MCTP1: variants seen among roughly 807,000 people sequenced by gnomAD.
The protein encoded by MCTP1 is multiple C2 and transmembrane domain-containing protein 1.
In MCTP1, 69 loss-of-function variants were observed where a neutral mutation model predicts 120.6. That is an observed-to-expected ratio of 0.57 (90% CI 0.47 to 0.70). The LOEUF is 0.70. Among genes scored for constraint, MCTP1 ranks in the 30% least tolerant of loss-of-function variants. MCTP1 has a pLI of 0.00. For missense variants in MCTP1, 1,203 were observed against 1,248.8 expected (o/e 0.96, Z 0.55); for synonymous variants, 529 against 493.1 (o/e 1.07, Z -0.96).
rs199518217 is a variant in MCTP1, at chr5:95,284,398, G to A, written c.178C>T (p.Pro60Ser). ...TADTPSPSPPPPVGTGNAPAR... is the reference protein window; with the variant it reads ...TADTPSPSPPSPVGTGNAPAR... ...GGTGCATTCCCTGTGCCCACCGGGG[G>A]TGGCGGGGAGGGCGACGGGGTGTCC... Residue 60 changes from proline (P) to serine (S), a missense_variant, in exon 1 of 23, where the codon CCC becomes TCC. Coordinates refer to ENST00000515393, the MANE Select transcript of MCTP1 (RefSeq NM_024717.7). This position sits in a 1 kb window ranked among gnomAD's most constrained non-coding sequence, Gnocchi z 5.2. 885 of 1,590,918 alleles carry A rather than the reference G, an allele frequency of 5.6e-4. No homozygotes were observed. The highest frequency in any genetic ancestry group is 7.1e-4 in the Non-Finnish European group (832 of 1,176,962).
rs552612934 is a variant in MCTP1, at chr5:94,708,518, T to A, written c.2922A>T (p.Val974=). Residue 974 remains valine (V), a synonymous_variant, in exon 22 of 23, where the codon GTA becomes GTT. Coordinates refer to ENST00000515393, the MANE Select transcript of MCTP1 (RefSeq NM_024717.7). ...AATAACGAAACCTACATACCACTTG[T>A]ACATCTGAAGGGACTCTGGAAAGGA... ...LDFLSRVPSD[V]QVVQYQELKP... 1 of 1,586,774 alleles carries A rather than the reference T, an allele frequency of 6.3e-7. No homozygotes were observed. Among genetic ancestry groups the A allele is most frequent in the African/African-American group, 1.3e-5 (1 of 74,366 alleles).
intron 1 of MCTP1, among the ~76,000 whole-genome samples, chr5:95,122,091 A>C (rs902773878): frequency 2.6e-5 from 4 of 152,158 alleles, no homozygotes; most frequent in African/African-American, 4.8e-5. Flanking sequence ...GATTGAGCAA[A>C]GATCGTTTGA....
intron 1 of MCTP1, among the ~76,000 whole-genome samples, chr5:95,143,497 G>A (rs925421554): frequency 1.3e-5 from 2 of 151,900 alleles, no homozygotes; most frequent in African/African-American, 4.8e-5. Context: ...CATGGTTTGG[G>A]GTACAGATGG....
intron 1 of MCTP1, among the ~76,000 whole-genome samples, chr5:95,199,776 A>G (rs1172145291): frequency 2.0e-5 from 3 of 151,748 alleles, no homozygotes; most frequent in African/African-American, 4.8e-5. Context: ...AGAGAATTGC[A>G]TGAACTCAGG....
chr5:95,169,637 G>C (rs997942897), intron 1 of MCTP1, among the ~76,000 whole-genome samples: 31 of 152,272 alleles, frequency 2.0e-4, no homozygotes, highest in African/African-American at 7.2e-4. Context: ...GGGTGTATGT[G>C]TCCGGAATTT....
chr5:94,783,732 G>C (rs1777054442), intron 18 of MCTP1, among the ~76,000 whole-genome samples: 1 of 151,962 alleles, frequency 6.6e-6, no homozygotes, highest in Non-Finnish European at 1.5e-5. Flanking sequence ...GGGTTAAAAG[G>C]CCCATGAATT....
intron 1 of MCTP1, among the ~76,000 whole-genome samples, chr5:95,182,285 G>A (rs1212185686): frequency 1.3e-5 from 2 of 152,240 alleles, no homozygotes; most frequent in African/African-American, 2.4e-5. Flanking sequence ...AGGCACAAAG[G>A]AGAAAACATT....
chr5:95,049,604 T>A (rs1222441443), intron 1 of MCTP1, among the ~76,000 whole-genome samples: 1 of 152,198 alleles, frequency 6.6e-6, no homozygotes, highest in East Asian at 1.9e-4. Flanking sequence ...ATCTGTTGCA[T>A]ACTTAAATAG....
intron 19 of MCTP1, among the ~76,000 whole-genome samples, chr5:94,750,721 T>C (rs942956985): frequency 1.4e-4 from 22 of 152,198 alleles, no homozygotes; most frequent in African/African-American, 4.8e-4. Context: ...AAAAGCATTG[T>C]GGTCTTAAGC....
At chr5:95,178,908 A>T (rs1477517544) in intron 1 of MCTP1, among the ~76,000 whole-genome samples, 1 of 152,210 alleles carries the variant, frequency 6.6e-6, no homozygotes, top group Non-Finnish European at 1.5e-5. Flanking sequence ...GTGAACTCCA[A>T]CTTAAAGAAA....
intron 1 of MCTP1, among the ~76,000 whole-genome samples, chr5:95,078,582 G>C (rs1175168006): frequency 6.6e-6 from 1 of 152,104 alleles, no homozygotes; most frequent in Non-Finnish European, 1.5e-5. Context: ...GAATGTTGCA[G>C]TCATTAAAAT....
chr5:94,990,440 A>G (rs1333628815), intron 2 of MCTP1, among the ~76,000 whole-genome samples: 2 of 152,166 alleles, frequency 1.3e-5, no homozygotes, highest in African/African-American at 4.8e-5. Context: ...CGGTTGTAGA[A>G]CTGAGGCCTT....
At chr5:94,837,279 G>C (rs1336422649) in intron 17 of MCTP1, among the ~76,000 whole-genome samples, 2 of 152,116 alleles carry the variant, frequency 1.3e-5, no homozygotes, top group Non-Finnish European at 2.9e-5. Flanking sequence ...TGCTCGGGAG[G>C]CTGAGGTAGG....
chr5:95,206,695 A>G (rs1751660049), intron 1 of MCTP1, among the ~76,000 whole-genome samples: 2 of 151,878 alleles, frequency 1.3e-5, no homozygotes, highest in African/African-American at 4.8e-5. Flanking sequence ...CCACCACCAC[A>G]CCCAGCCAAT....
chr5:94,913,115 TG>T, intron 8 of MCTP1, 139 bp from the exon 9 acceptor site: 3 of 340,002 alleles, frequency 8.8e-6, no homozygotes, highest in Non-Finnish European at 1.6e-5. Flanking sequence ...AAAATAATTA[TG>T]AATTATTAAT....
At chr5:95,274,461 A>T (rs1477569759) in intron 1 of MCTP1, among the ~76,000 whole-genome samples, 1 of 151,884 alleles carries the variant, frequency 6.6e-6, no homozygotes, top group African/African-American at 2.4e-5. Context: ...ACCCCAACCC[A>T]TGTACTTAGG....
intron 10 of MCTP1, among the ~76,000 whole-genome samples, chr5:94,897,008 A>C (rs917079831): frequency 2.0e-5 from 3 of 152,118 alleles, no homozygotes; most frequent in Admixed American, 2.0e-4. Flanking sequence ...TCCCAGGAAG[A>C]AGCACTGTTA....
chr5:94,802,679 T>C (rs1039811354), intron 17 of MCTP1, among the ~76,000 whole-genome samples: 2 of 152,196 alleles, frequency 1.3e-5, no homozygotes, highest in African/African-American at 4.8e-5. Flanking sequence ...GTCCTGATTA[T>C]ACATTTTCAG....
At chr5:94,743,946 A>T (rs1220645724) in intron 19 of MCTP1, among the ~76,000 whole-genome samples, 1 of 151,726 alleles carries the variant, frequency 6.6e-6, no homozygotes, top group Non-Finnish European at 1.5e-5. Context: ...GCCAAAATCC[A>T]CATTTTTCCA....
Sources: gnomAD v4.1 joint callset for allele counts (sites outside exome capture counted in the v4.1 genomes callset) on GRCh38, gnomAD v4.1.1 for gene constraint, Gnocchi (gnomAD v3.1) non-coding constraint, MANE v1.5 for transcripts, NCBI Gene and HGNC (gene_info 2026-07-23, HGNC 2026-07-21) for gene names.